CGB2: variants seen among roughly 807,000 people sequenced by gnomAD.
The protein encoded by CGB2 is chorionic gonadotropin subunit beta 2.
CGB2 carries 4 observed loss-of-function variants against 7.1 expected under a neutral mutation model. The ratio of observed to expected loss-of-function variants is 0.57; its 90% CI spans 0.28 to 1.29. CGB2 has a LOEUF of 1.29. CGB2 is among the 50% of genes most tolerant of loss of function. The pLI, the probability that CGB2 is intolerant of heterozygous loss-of-function variation, is 0.10. For missense variants in CGB2, 88 were observed against 224.0 expected (o/e 0.39, Z 3.88); for synonymous variants, 51 against 100.3 (o/e 0.51, Z 2.94).
At position 49,031,930 on chromosome 19, in the gene CGB2, A is replaced by T; in HGVS notation, c.-166A>T. ...GCGCCCCCTGGAGGGAGGAAGGGGA[A>T]CTGTATCTGAGAGAGAGCAGCCAAT... On this transcript the variant is annotated 5_prime_UTR_variant, in exon 1 of 3. Transcript: ENST00000359342. 4.7e-6 allele frequency: 4 copies of T among 846,190 alleles called. No homozygotes were observed. The highest frequency in any genetic ancestry group is 7.7e-6 in the Non-Finnish European group (4 of 520,612). 52.4% of individuals were successfully genotyped at this position (846,190 alleles called of 1,614,324 possible).
At chr19:49,032,389 A>C in intron 1 of CGB2, 115 bp from the exon 2 acceptor site, 1 of 1,600,180 alleles carries the variant, frequency 6.2e-7, no homozygotes, top group Non-Finnish European at 8.5e-7. Flanking sequence ...GGTCCTGAAT[A>C]GGAGATGCCA....
In CGB2 at chr19:49,033,223, G is replaced by T. The variant is rs756642481; in HGVS notation, c.*2G>T. On this transcript the variant is annotated 3_prime_UTR_variant, in exon 3 of 3. Coordinates refer to ENST00000359342, the MANE Select transcript of CGB2 (RefSeq NM_033378.2). ...GACACCCCGATCCTCCCACAATAAA[G>T]GCTTCTCAATCCGCACTCTGGCGGT... 3 of 1,611,830 alleles carry T rather than the reference G, an allele frequency of 1.9e-6. No homozygotes were observed. The highest frequency in any genetic ancestry group is 1.1e-5 in the South Asian group (1 of 90,984).
rs945343533 is a variant in CGB2 at position 49,031,902 on chromosome 19, G to C, written c.-194G>C. On this transcript the variant is annotated 5_prime_UTR_variant, in exon 1 of 3. Transcript: ENST00000359342. ...AGGGCCAGTGAGGGCCCTGCGTTCCGTGGCGCCCCCTGGAGGGAGGAAGGG... is the reference window on the plus strand; with the variant it reads ...AGGGCCAGTGAGGGCCCTGCGTTCCCTGGCGCCCCCTGGAGGGAGGAAGGG... The C allele has an allele frequency of 4.3e-6, 3 of 698,918 alleles. No homozygotes were observed. Among genetic ancestry groups the C allele is most frequent in the Non-Finnish European group, 7.4e-6 (3 of 406,426 alleles). 43.3% of individuals were successfully genotyped at this position (698,918 alleles called of 1,614,324 possible). A position where few individuals can be genotyped will look rare whatever the true frequency, so the allele number is the denominator to read the frequency against.
chr19:49,032,401 G>C, intron 1 of CGB2, 103 bp from the exon 2 acceptor site: 1 of 1,599,818 alleles, frequency 6.3e-7, no homozygotes, highest in Non-Finnish European at 8.5e-7. Flanking sequence ...GAGATGCCAC[G>C]AAGGGTCTCT....
chr19:49,032,212 A>G, intron 1 of CGB2, 108 bp downstream of exon 1: 1 of 1,613,800 alleles, frequency 6.2e-7, no homozygotes, highest in Non-Finnish European at 8.5e-7. Flanking sequence ...TGGCATGAGA[A>G]GGGGCAGACC....
At chr19:49,032,266 C>A in intron 1 of CGB2, 162 bp downstream of exon 1, 1 of 1,601,730 alleles carries the variant, frequency 6.2e-7, no homozygotes, top group East Asian at 2.2e-5. Context: ...GGAGCGTGAC[C>A]CCCAGTAAGC....
chr19:49,032,147 T>C (rs750951101), intron 1 of CGB2, 43 bp downstream of exon 1: 2 of 1,613,900 alleles, frequency 1.2e-6, no homozygotes, highest in Non-Finnish European at 1.7e-6. Flanking sequence ...ATGGAGATGT[T>C]CCAGGAAAGA....
chr19:49,032,251 C>G lies in CGB2; in HGVS notation c.9+147C>G, dbSNP rs1246572252. 5.0e-6 allele frequency: 8 copies of G among 1,608,556 alleles called. No individual in the cohort carries two copies. In the African/African-American group the frequency reaches 8.0e-5, roughly 16 times the overall value. On this transcript the variant is annotated intron_variant, in intron 1 of 2. Transcript: ENST00000359342. ...GTGAGCTGTGGAAGGAGGCCTCTTTCTGGAGGAGCGTGACCCCCAGTAAGC... is the reference window on the plus strand; with the variant it reads ...GTGAGCTGTGGAAGGAGGCCTCTTTGTGGAGGAGCGTGACCCCCAGTAAGC...
At chr19:49,032,128 G>A (rs1260002513) in intron 1 of CGB2, 24 bp downstream of exon 1, 1 of 1,613,888 alleles carries the variant, frequency 6.2e-7, no homozygotes, top group East Asian at 2.2e-5. Context: ...ACATTTCCAG[G>A]CACCAAAGAT....
In CGB2 at chr19:49,032,112, A is replaced by C; in HGVS notation, c.9+8A>C. 1 of 1,613,976 alleles carries C rather than the reference A, an allele frequency of 6.2e-7. No homozygotes were observed. The highest frequency in any genetic ancestry group is 8.5e-7 in the Non-Finnish European group (1 of 1,179,850). On this transcript the variant is annotated splice_region_variant and intron_variant, in intron 1 of 2. Coordinates refer to ENST00000359342, the MANE Select transcript of CGB2 (RefSeq NM_033378.2). ...GAGAGAGACATGTCAAAGGTAGGGT[A>C]GATCGACATTTCCAGGCACCAAAGA...
At chr19:49,032,439 G>T (rs2039749240) in intron 1 of CGB2, 65 bp from the exon 2 acceptor site, 2 of 1,589,806 alleles carry the variant, frequency 1.3e-6, no homozygotes, top group Non-Finnish European at 1.7e-6. Flanking sequence ...GTACCACGCG[G>T]GATGGGAAGG....
rs144929524 is a variant in CGB2, at chr19:49,032,504, G to A, written c.10G>A (p.Gly4Arg). 5.4e-3 allele frequency: 8,575 copies of A among 1,582,814 alleles called. 28 individuals are homozygous for A. The highest frequency in any genetic ancestry group is 0.016 in the Middle Eastern group (71 of 4,402). ...GGGTGAAGCAGTGTCCTTGTCCCAG[G>A]GGCTGCTGCTGTTGCTGCTGCTGAG... is the stretch of plus-strand genomic sequence containing the variant. Reference protein sequence around the residue: MSKGLLLLLLLSMG... With the variant: MSKRLLLLLLLSMG... The change falls in exon 2 of 3, where the codon GGG becomes AGG. Residue 4 changes from glycine (G) to arginine (R), a missense_variant and splice_region_variant. Transcript: ENST00000359342.
chr19:49,031,962 C>A lies in CGB2; in HGVS notation c.-134C>A, dbSNP rs1028529819. The stretch of plus-strand genomic sequence containing the variant: ...CTGAGAGAGAGCAGCCAATTGGGTC[C>A]GCTGACTCCGGCCGGGTTCCCGTGC... On this transcript the variant is annotated 5_prime_UTR_variant, in exon 1 of 3. Coordinates refer to ENST00000359342, the MANE Select transcript of CGB2 (RefSeq NM_033378.2). 1.4e-5 allele frequency: 18 copies of A among 1,261,938 alleles called. No individual in the cohort carries two copies. The highest frequency in any genetic ancestry group is 3.7e-4 in the Middle Eastern group (2 of 5,372). 78.2% of individuals were successfully genotyped at this position (1,261,938 alleles called of 1,614,324 possible).
Position 49,031,985 on chromosome 19 carries a change from T to C in CGB2, c.-111T>C. 1.3e-6 allele frequency: 2 copies of C among 1,489,928 alleles called. No individual in the cohort carries two copies. Among genetic ancestry groups the C allele is most frequent in the African/African-American group, 1.4e-5 (1 of 72,436 alleles). The allele number at this position is 1,489,928 out of a possible 1,614,324, so 92.3% of individuals were successfully genotyped here. A position where few individuals can be genotyped will look rare whatever the true frequency, so the allele number is the denominator to read the frequency against. ...TCCGCTGACTCCGGCCGGGTTCCCG[T>C]GCCGCGTCCAACACCCCTCACTCCC... On this transcript the variant is annotated 5_prime_UTR_variant, in exon 1 of 3. Transcript: ENST00000359342.
Position 49,031,978 on chromosome 19 carries a change from G to A in CGB2, c.-118G>A. The A allele has an allele frequency of 2.1e-6, 3 of 1,449,430 alleles. No individual in the cohort carries two copies. In the South Asian group the frequency reaches 3.4e-5, roughly 17 times the overall value. The allele number at this position is 1,449,430 out of a possible 1,614,324, so 89.8% of individuals were successfully genotyped here. A position where few individuals can be genotyped will look rare whatever the true frequency, so the allele number is the denominator to read the frequency against. On this transcript the variant is annotated 5_prime_UTR_variant, in exon 1 of 3. Transcript: ENST00000359342. ...AATTGGGTCCGCTGACTCCGGCCGG[G>A]TTCCCGTGCCGCGTCCAACACCCCT...
Position 49,033,194 on chromosome 19 carries a change from C to G in CGB2, c.465C>G (p.Pro155=). Residue 155 remains proline, a synonymous_variant, in exon 3 of 3, where the codon CCC becomes CCG. Coordinates refer to ENST00000359342, the MANE Select transcript of CGB2 (RefSeq NM_033378.2). ...CAAGCCCATCCCGACTCCCGGGGCC[C>G]TCAGACACCCCGATCCTCCCACAAT... The part of the protein sequence containing the change: ...SLPSPSRLPG[P]SDTPILPQ 1.2e-6 allele frequency: 2 copies of G among 1,611,666 alleles called. No homozygotes were observed. The highest frequency in any genetic ancestry group is 2.2e-5 in the South Asian group (2 of 90,978).
Position 49,032,590 on chromosome 19 carries a change from C to T in CGB2, c.96C>T (p.Ala32=). The T allele has an allele frequency of 6.6e-7, 1 of 1,505,148 alleles. No individual in the cohort carries two copies. Among genetic ancestry groups the T allele is most frequent in the Non-Finnish European group, 8.9e-7 (1 of 1,126,352 alleles). 93.2% of individuals were successfully genotyped at this position (1,505,148 alleles called of 1,614,324 possible). ...GGCCACGGTGCCGCCCCATCAATGC[C>T]ACCCTGGCTGTGGAGAAGGAGGGCT... ...PLRPRCRPIN[A]TLAVEKEGCP... The change falls in exon 2 of 3, where the codon GCC becomes GCT. Residue 32 remains alanine, a synonymous_variant. Transcript: ENST00000359342.
chr19:49,032,335 C>A, intron 1 of CGB2, 169 bp from the exon 2 acceptor site: 1 of 1,578,642 alleles, frequency 6.3e-7, no homozygotes, highest in Non-Finnish European at 8.6e-7. Context: ...CTGAGATCCT[C>A]TGGGCTGTGG....
At chr19:49,032,310 A>G (rs548335698) in intron 1 of CGB2, 194 bp from the exon 2 acceptor site, 126 of 1,574,180 alleles carry the variant, frequency 8.0e-5, no homozygotes, top group African/African-American at 2.6e-4. Flanking sequence ...GTGGGGATCT[A>G]AAATGTTGGG....
Sources: allele counts gnomAD v4.1 joint callset, GRCh38; gene constraint gnomAD v4.1.1; transcripts MANE v1.5; gene names NCBI Gene and HGNC (gene_info 2026-07-23, HGNC 2026-07-21).